Variants in ARSG observed in about 807,000 individuals in gnomAD.
ARSG encodes arylsulfatase G.
Under a neutral mutation model 50.5 loss-of-function variants are expected in ARSG, and 37 were observed. The ratio of observed to expected loss-of-function variants is 0.73; its 90% CI spans 0.56 to 0.96. The LOEUF (loss-of-function observed/expected upper bound fraction) is 0.96, where lower values mean the gene tolerates loss of function less well. Ranked by LOEUF, ARSG falls within the 50% of genes least tolerant of loss-of-function variation. ARSG has a pLI of 0.00. For synonymous variants in ARSG, 225 were observed against 254.6 expected (o/e 0.88, Z 1.11); for missense variants, 629 against 675.3 (o/e 0.93, Z 0.76).
chr17:68,269,675 T>TTTTTTTTTG, intron 1 of ARSG, among the ~76,000 whole-genome samples: 1 of 140,804 alleles, frequency 7.1e-6, no homozygotes, highest in African/African-American at 2.7e-5. Context: ...CACTTTAGGT[T>TTTTTTTTTG]TTTTTTTTTT....
At chr17:68,434,718 A>G in the ARSG span, 20 of 1,314,928 alleles carry the variant, frequency 1.5e-5, no homozygotes, top group Non-Finnish European at 2.1e-5. Context: ...TTGGTTTTGA[A>G]CATCTGTCTC....
Position 68,367,433 on chromosome 17 carries a change from A to G in ARSG, c.705-1115A>G, listed in dbSNP as rs933524087. On this transcript the variant is annotated intron_variant, in intron 6 of 11. Coordinates refer to ENST00000621439, the MANE Select transcript of ARSG (RefSeq NM_001267727.2). This position sits in a 1 kb window ranked among gnomAD's most constrained non-coding sequence, Gnocchi z 4.5. ...ATGAAAGGGCCATGCATCTACCCCC[A>G]CCAGAATGTTGTTGACTCTGTACTC... 1.3e-5 allele frequency among the ~76,000 whole-genome samples: 2 copies of G among 152,138 alleles called. No homozygotes were observed. The highest frequency in any genetic ancestry group is 4.8e-5 in the African/African-American group (2 of 41,432).
intron 11 of ARSG, among the ~76,000 whole-genome samples, chr17:68,408,075 CA>C (rs1268354324): frequency 3.3e-5 from 5 of 151,140 alleles, no homozygotes; most frequent in African/African-American, 1.2e-4. Context: ...TTATGCAAAA[CA>C]AATGTGCACT....
intron 9 of ARSG, among the ~76,000 whole-genome samples, chr17:68,393,668 A>T (rs748247447): frequency 3.3e-5 from 5 of 152,026 alleles, no homozygotes; most frequent in Non-Finnish European, 7.4e-5. Flanking sequence ...GGAGTTTGAG[A>T]CCAACCTGGC....
At chr17:68,276,408 G>A (rs1267652957) in intron 1 of ARSG, among the ~76,000 whole-genome samples, 4 of 152,124 alleles carry the variant, frequency 2.6e-5, no homozygotes, top group African/African-American at 7.2e-5. Context: ...GTGTGTAAGT[G>A]TAAACTTAGG....
intron 2 of ARSG, among the ~76,000 whole-genome samples, chr17:68,315,454 G>A (rs2077032738): frequency 6.6e-6 from 1 of 151,994 alleles, no homozygotes; most frequent in African/African-American, 2.4e-5. Context: ...TTGAGCCCAG[G>A]AGGTTGAGGC....
In ARSG at chr17:68,420,079, T is replaced by C. The variant is rs1600213988; in HGVS notation, c.1304-110T>C. 8.7e-6 allele frequency: 11 copies of C among 1,264,748 alleles called. No homozygotes were observed. In the East Asian group the frequency reaches 1.6e-4, roughly 19 times the overall value. The allele number at this position is 1,264,748 out of a possible 1,614,324, so 78.3% of individuals were successfully genotyped here. On this transcript the variant is annotated intron_variant, in intron 11 of 11. Coordinates refer to ENST00000621439, the MANE Select transcript of ARSG (RefSeq NM_001267727.2). The stretch of plus-strand genomic sequence containing the variant: ...ACAGAGAGAGCCATCATTGGAACAT[T>C]TGGTTATCTGGTATGTTTGAATTAA...
intron 1 of ARSG, among the ~76,000 whole-genome samples, chr17:68,277,585 G>A (rs1380058762): frequency 3.9e-5 from 6 of 152,074 alleles, no homozygotes; most frequent in African/African-American, 1.4e-4. Context: ...GCAAAACACT[G>A]TGCCTGGCTA....
intron 11 of ARSG, among the ~76,000 whole-genome samples, chr17:68,404,329 T>G (rs548660091): frequency 6.6e-6 from 1 of 152,222 alleles, no homozygotes; most frequent in Non-Finnish European, 1.5e-5. Context: ...CCACCAACAG[T>G]GTAAAAGTGT....
At chr17:68,409,336 A>G (rs1439066556) in intron 11 of ARSG, among the ~76,000 whole-genome samples, 1 of 150,356 alleles carries the variant, frequency 6.7e-6, no homozygotes, top group East Asian at 1.9e-4. Context: ...AGCTTTCTAC[A>G]TATGGCTAGC....
At chr17:68,283,891 A>C (rs2075778604) in intron 1 of ARSG, among the ~76,000 whole-genome samples, 1 of 150,746 alleles carries the variant, frequency 6.6e-6, no homozygotes, top group African/African-American at 2.4e-5. Context: ...AAAAAAAAAA[A>C]AAAAAAGACC....
chr17:68,322,887 A>G (rs2077348330), intron 2 of ARSG, among the ~76,000 whole-genome samples: 1 of 152,196 alleles, frequency 6.6e-6, no homozygotes, highest in Non-Finnish European at 1.5e-5. Context: ...TCAGGGTACT[A>G]GCATGGTCAG....
downstream of ARSG, chr17:68,426,242 T>G (rs1324330522): frequency 9.2e-4 from 626 of 682,282 alleles, 9 homozygotes; most frequent in African/African-American, 1.4e-3. Context: ...ACCTGGCGGG[T>G]GGGGAGCGGG....
At chr17:68,327,401 C>T (rs1167985337) in intron 2 of ARSG, among the ~76,000 whole-genome samples, 1 of 152,136 alleles carries the variant, frequency 6.6e-6, no homozygotes, top group Admixed American at 6.6e-5. Flanking sequence ...AGCCACACTC[C>T]CTCCACAGCG....
intron 11 of ARSG, among the ~76,000 whole-genome samples, chr17:68,414,572 G>A (rs1179371002): frequency 6.6e-6 from 1 of 152,130 alleles, no homozygotes; most frequent in East Asian, 1.9e-4. Flanking sequence ...TTCCCTCTTT[G>A]TCATGTGGAA....
At chr17:68,322,117 A>G (rs1555770780) in intron 2 of ARSG, among the ~76,000 whole-genome samples, 1 of 152,216 alleles carries the variant, frequency 6.6e-6, no homozygotes, top group Non-Finnish European at 1.5e-5. Context: ...TTGAGCCCTG[A>G]AAGCATCCGC....
At chr17:68,417,215 C>T (rs2082425531) in intron 11 of ARSG, among the ~76,000 whole-genome samples, 1 of 152,164 alleles carries the variant, frequency 6.6e-6, no homozygotes, top group African/African-American at 2.4e-5. Context: ...GCTAGAGTGG[C>T]TAGAGCTGGG....
chr17:68,312,278 T>A (rs2076892232), intron 2 of ARSG, among the ~76,000 whole-genome samples: 1 of 152,168 alleles, frequency 6.6e-6, no homozygotes, highest in Non-Finnish European at 1.5e-5. Context: ...TAATAAATAT[T>A]TGTTCATCAA....
At chr17:68,360,083 C>G (rs2079211201) in intron 6 of ARSG, among the ~76,000 whole-genome samples, 1 of 152,182 alleles carries the variant, frequency 6.6e-6, no homozygotes, top group South Asian at 2.1e-4. Context: ...AATGCCCCCT[C>G]CGAAGTGGGC....
Sources: allele counts gnomAD v4.1 joint callset (sites outside exome capture counted in the v4.1 genomes callset), GRCh38; gene constraint gnomAD v4.1.1; non-coding constraint Gnocchi (gnomAD v3.1); transcripts MANE v1.5; gene names NCBI Gene and HGNC (gene_info 2026-07-23, HGNC 2026-07-21).